CCDC7: variants seen among roughly 807,000 people sequenced by gnomAD.
CCDC7 encodes the protein coiled-coil domain-containing protein 7.
In CCDC7, 183 loss-of-function variants were observed where a neutral mutation model predicts 196.9. The observed-to-expected ratio is 0.93, with a 90% CI of 0.82 to 1.05. The LOEUF is 1.05. Ranked by LOEUF, CCDC7 falls within the 50% of genes least tolerant of loss-of-function variation. The probability of loss-of-function intolerance (pLI) is 0.00; values close to 1 mark genes in which losing one functional copy is unlikely to be tolerated. For missense variants in CCDC7, 1,540 were observed against 1,482.2 expected (o/e 1.04, Z -0.64); for synonymous variants, 525 against 484.6 (o/e 1.08, Z -1.10).
chr10:32,550,518 A>G (rs1489921861), intron 13 of CCDC7, among the ~76,000 whole-genome samples: 1 of 152,086 alleles, frequency 6.6e-6, no homozygotes, highest in Non-Finnish European at 1.5e-5. Flanking sequence ...CCTTTTCTCC[A>G]TTCAGTATTA....
intron 18 of CCDC7, among the ~76,000 whole-genome samples, chr10:32,633,423 A>G (rs2065153647): frequency 6.6e-6 from 1 of 152,030 alleles, no homozygotes; most frequent in African/African-American, 2.4e-5. Flanking sequence ...AACATTAACA[A>G]CACATGTACT....
At position 32,574,997 on chromosome 10, in the gene CCDC7, T is replaced by C. The variant is rs184671532; in HGVS notation, c.1454+3104T>C. 1.2e-4 allele frequency among the ~76,000 whole-genome samples: 19 copies of C among 152,202 alleles called. No homozygotes were observed. The East Asian group carries it at 3.5e-3, about 28-fold the overall frequency. On this transcript the variant is annotated intron_variant, in intron 16 of 41. Coordinates refer to ENST00000639629, the Ensembl canonical transcript of CCDC7. ...TTGGGTATTGTGTTTTACTGAAAAA[T>C]CAGACAGATAAGATGCCTTTTCTTG...
chr10:32,634,383 CATATCT>C lies in CCDC7; in HGVS notation c.1912+20_1912+25del. The C allele has an allele frequency of 2.1e-6, 2 of 958,746 alleles. No homozygotes were observed. Among genetic ancestry groups the C allele is most frequent in the Non-Finnish European group, 1.4e-6 (1 of 739,634 alleles). 59.4% of individuals were successfully genotyped at this position (958,746 alleles called of 1,614,324 possible). ...CATGAGGGTAAGTATAATAATTATACATATCTTTACACTATTTTATTTTTATTTTTT... is the reference window on the plus strand; with the variant it reads ...CATGAGGGTAAGTATAATAATTATACTTACACTATTTTATTTTTATTTTTT... On this transcript the variant is annotated intron_variant, in intron 19 of 41. Coordinates refer to ENST00000639629, the Ensembl canonical transcript of CCDC7.
chr10:32,457,427 C>G (rs1156948805), intron 3 of CCDC7, among the ~76,000 whole-genome samples: 1 of 152,032 alleles, frequency 6.6e-6, no homozygotes. Flanking sequence ...ATTCATTTGT[C>G]TATTGATGGA....
intron 5 of CCDC7, among the ~76,000 whole-genome samples, chr10:32,466,690 C>T (rs2036866049): frequency 6.6e-6 from 1 of 152,100 alleles, no homozygotes; most frequent in South Asian, 2.1e-4. Context: ...ACATTTAGGC[C>T]AATTCCATGT....
chr10:32,763,524 C>A (rs1002806204), intron 28 of CCDC7, among the ~76,000 whole-genome samples: 1 of 151,942 alleles, frequency 6.6e-6, no homozygotes, highest in African/African-American at 2.4e-5. Context: ...GTAAAGATAT[C>A]TGCATCCCCG....
At chr10:32,688,961 A>G in intron 22 of CCDC7, 92 bp from the exon 24 acceptor site, 1 of 768,472 alleles carries the variant, frequency 1.3e-6, no homozygotes, top group Non-Finnish European at 2.2e-6. Context: ...AAAATGAGAG[A>G]AAATGCCACT....
intron 9 of CCDC7, among the ~76,000 whole-genome samples, chr10:32,496,292 G>A (rs957250803): frequency 1.1e-4 from 16 of 152,158 alleles, no homozygotes; most frequent in Non-Finnish European, 1.0e-4. Flanking sequence ...GGGCTGAGAC[G>A]ATGGGGTTTT....
chr10:32,753,940 CAA>C (rs2133562423), intron 28 of CCDC7, among the ~76,000 whole-genome samples: 1 of 151,878 alleles, frequency 6.6e-6, no homozygotes, highest in African/African-American at 2.4e-5. Flanking sequence ...AACAATGAAA[CAA>C]ATGATTTTTT....
chr10:32,633,698 G>A (rs1759667), intron 18 of CCDC7, among the ~76,000 whole-genome samples: 77,528 of 111,480 alleles, frequency 0.7, 25,029 homozygotes, highest in Non-Finnish European at 0.76. Flanking sequence ...ATATATATAT[G>A]TGTGTGTGTG....
At chr10:32,504,731 TG>T (rs1358772662) in intron 9 of CCDC7, among the ~76,000 whole-genome samples, 1 of 152,254 alleles carries the variant, frequency 6.6e-6, no homozygotes, top group Non-Finnish European at 1.5e-5. Context: ...CTCCTGTCAT[TG>T]ATTTCTAGTT....
At chr10:32,521,320 T>G (rs1191141322) in intron 11 of CCDC7, among the ~76,000 whole-genome samples, 1 of 152,174 alleles carries the variant, frequency 6.6e-6, no homozygotes, top group East Asian at 1.9e-4. Context: ...TATGGACATT[T>G]TAACAATATT....
intron 11 of CCDC7, among the ~76,000 whole-genome samples, chr10:32,538,061 G>T (rs964467935): frequency 2.0e-5 from 3 of 152,094 alleles, no homozygotes; most frequent in Non-Finnish European, 4.4e-5. Flanking sequence ...GAATAGCATT[G>T]AATCTTTAAA....
At chr10:32,659,313 C>T (rs1386210956) in intron 20 of CCDC7, among the ~76,000 whole-genome samples, 1 of 152,158 alleles carries the variant, frequency 6.6e-6, no homozygotes, top group Admixed American at 6.5e-5. Flanking sequence ...GAGTGTGCCA[C>T]TAAATTTTCC....
At chr10:32,495,603 T>TGCCTATGGCTAGCCAGTTTTCC (rs1281059963) in intron 9 of CCDC7, among the ~76,000 whole-genome samples, 2 of 152,232 alleles carry the variant, frequency 1.3e-5, no homozygotes, top group African/African-American at 4.8e-5. Flanking sequence ...TTTAGTTTTC[T>TGCCTATGGCTAGCCAGTTTTCC]GCCTATGGCT....
intron 9 of CCDC7, among the ~76,000 whole-genome samples, chr10:32,504,278 G>A (rs546194467): frequency 2.5e-4 from 38 of 151,858 alleles, no homozygotes; most frequent in Admixed American, 1.4e-3. Context: ...CACAACGCCC[G>A]GCTAATTTTT....
chr10:32,808,726 G>C (rs2135263853), intron 30 of CCDC7, among the ~76,000 whole-genome samples: 1 of 152,170 alleles, frequency 6.6e-6, no homozygotes, highest in East Asian at 1.9e-4. Flanking sequence ...ATTCACCTGG[G>C]GTCCCTGTCC....
At chr10:32,645,405 G>T (rs1316456215) in intron 20 of CCDC7, among the ~76,000 whole-genome samples, 1 of 150,182 alleles carries the variant, frequency 6.7e-6, no homozygotes, top group African/African-American at 2.5e-5. Context: ...TTTTTAATGT[G>T]TTGTTAAATT....
At chr10:32,615,785 TAG>T (rs1181033158) in intron 18 of CCDC7, among the ~76,000 whole-genome samples, 1 of 152,118 alleles carries the variant, frequency 6.6e-6, no homozygotes, top group African/African-American at 2.4e-5. Flanking sequence ...AGGTTTCTTC[TAG>T]GATATTTATA....
Sources: allele counts gnomAD v4.1 joint callset (sites outside exome capture counted in the v4.1 genomes callset), GRCh38; gene constraint gnomAD v4.1.1; transcripts MANE v1.5; gene names NCBI Gene and HGNC (gene_info 2026-07-23, HGNC 2026-07-21).